ABCA6: variants seen among roughly 807,000 people sequenced by gnomAD.
ABCA6 encodes ATP-binding cassette sub-family A member 6.
In ABCA6, 164 loss-of-function variants were observed where a neutral mutation model predicts 191.2. The observed-to-expected ratio is 0.86, with a 90% CI of 0.76 to 0.98. The LOEUF (loss-of-function observed/expected upper bound fraction) is 0.98, where lower values mean the gene tolerates loss of function less well. Among genes scored for constraint, ABCA6 ranks in the 50% least tolerant of loss-of-function variants. ABCA6 has a pLI of 0.00. For synonymous variants in ABCA6, 636 were observed against 647.7 expected, an observed-to-expected ratio of 0.98 and a Z score of 0.27; for missense variants, 1,958 against 1,894.1, an observed-to-expected ratio of 1.03 and a Z score of -0.63.
intron 18 of ABCA6, among the ~76,000 whole-genome samples, chr17:69,106,529 G>T (rs2073307738): frequency 7.1e-6 from 1 of 140,252 alleles, no homozygotes; most frequent in Non-Finnish European, 1.5e-5. Flanking sequence ...GGAGGGGGAG[G>T]TTGCTGTGAG....
chr17:69,125,001 A>T lies in ABCA6; in HGVS notation c.1154T>A (p.Ile385Asn). The T allele has an allele frequency of 1.4e-6, 2 of 1,477,770 alleles. No individual in the cohort carries two copies. Among genetic ancestry groups the T allele is most frequent in the Non-Finnish European group, 1.8e-6 (2 of 1,102,592 alleles). The allele number at this position is 1,477,770 out of a possible 1,614,324, so 91.5% of individuals were successfully genotyped here. A position where few individuals can be genotyped will look rare whatever the true frequency, so the allele number is the denominator to read the frequency against. ...IKLDYNLNGV[I>N]FPDPSGDSYT... Reference sequence around the variant, plus strand: ...TGAGTCTCCTGAAGGGTCAGGAAAAATTACACCATTCAAGTTATAATCCAG... The same window carrying T: ...TGAGTCTCCTGAAGGGTCAGGAAAATTTACACCATTCAAGTTATAATCCAG... Residue 385 changes from isoleucine to asparagine, a missense_variant, in exon 9 of 39, where the codon ATT (isoleucine) becomes AAT (asparagine). By Grantham distance (149) the Ile-to-Asn change is moderately radical. Coordinates refer to ENST00000284425, the MANE Select transcript of ABCA6 (RefSeq NM_080284.3).
intron 29 of ABCA6, 48 bp from the exon 30 acceptor site, chr17:69,086,783 AG>A (rs2072805118): frequency 7.4e-7 from 1 of 1,358,998 alleles, no homozygotes; most frequent in Non-Finnish European, 1.0e-6. Context: ...CAGAGACTTT[AG>A]GTCTCTGCTG....
At chr17:69,095,848 A>G (rs1014632067) in intron 25 of ABCA6, among the ~76,000 whole-genome samples, 8 of 152,238 alleles carry the variant, frequency 5.3e-5, no homozygotes, top group African/African-American at 1.9e-4. Context: ...GCATAAGTAT[A>G]AAACATCTTT....
At chr17:69,110,983 C>A in intron 16 of ABCA6, 43 bp from the exon 17 acceptor site, 2 of 1,535,344 alleles carry the variant, frequency 1.3e-6, no homozygotes, top group South Asian at 1.3e-5. Flanking sequence ...ATTTTCTCCA[C>A]CACTATCACA....
At position 69,128,777 on chromosome 17, in the gene ABCA6, G is replaced by A. The variant is rs749266133; in HGVS notation, c.961C>T (p.Leu321=). The A allele has an allele frequency of 6.2e-6, 10 of 1,604,934 alleles. No homozygotes were observed. In the Admixed American group the frequency reaches 1.2e-4, roughly 19 times the overall value. The part of the protein sequence containing the change: ...LVALVFLMSV[L]LKKAVLTNLV... ...TTGGTGAGGACAGCTTTCTTTAACA[G>A]CACACTCATCAGGAACACCAAAGCT... The change falls in exon 8 of 39, where the codon CTG becomes TTG. Residue 321 remains leucine (L), a synonymous_variant. Transcript: ENST00000284425.
chr17:69,083,870 AT>A (rs1432898907), intron 34 of ABCA6, among the ~76,000 whole-genome samples: 1 of 152,222 alleles, frequency 6.6e-6, no homozygotes, highest in Non-Finnish European at 1.5e-5. Context: ...GGAGGAACAA[AT>A]TTGACAGGTC....
At chr17:69,101,487 T>A (rs1346640260) in intron 21 of ABCA6, among the ~76,000 whole-genome samples, 1 of 151,748 alleles carries the variant, frequency 6.6e-6, no homozygotes, top group Non-Finnish European at 1.5e-5. Flanking sequence ...TCCCAGCTAC[T>A]TGGAAGGCTG....
At position 69,085,079 on chromosome 17, in the gene ABCA6, T is replaced by C; in HGVS notation, c.4133A>G (p.Tyr1378Cys). 1.2e-6 allele frequency: 2 copies of C among 1,613,780 alleles called. No individual in the cohort carries two copies. The highest frequency in any genetic ancestry group is 1.7e-6 in the Non-Finnish European group (2 of 1,179,904). The change falls in exon 32 of 39, where the codon TAT becomes TGT. Residue 1378 changes from tyrosine (Y) to cysteine (C), a missense_variant. By Grantham distance (194) the Tyr-to-Cys change is radical (BLOSUM62 -2). Transcript: ENST00000284425. ...TTTCCTGAGCCCCTTGACGGCAGCA[T>C]ACACCTCCAGGTGTTCCCTCAACGT... ...MLTLREHLEV[Y>C]AAVKGLRKAD...
At chr17:69,101,062 T>A (rs931373999) in intron 21 of ABCA6, 128 bp from the exon 22 acceptor site, 52 of 748,254 alleles carry the variant, frequency 6.9e-5, no homozygotes, top group Middle Eastern at 4.0e-4. Flanking sequence ...AACTAAACTT[T>A]CTGAGCTTTA....
chr17:69,096,931 T>C, intron 23 of ABCA6, 130 bp from the exon 24 acceptor site: 1 of 731,820 alleles, frequency 1.4e-6, no homozygotes, highest in Admixed American at 3.9e-5. Context: ...TTAAAAAAAA[T>C]TATGCATATA....
At chr17:69,088,714 ATCAC>A (rs1402969881) in intron 27 of ABCA6, among the ~76,000 whole-genome samples, 1 of 152,162 alleles carries the variant, frequency 6.6e-6, no homozygotes, top group Non-Finnish European at 1.5e-5. Flanking sequence ...CTCCTCCTCC[ATCAC>A]TCAGAGTAGA....
chr17:69,123,602 T>C lies in ABCA6; in HGVS notation c.1268-195A>G, dbSNP rs114663230. Reference sequence around the variant, plus strand: ...ATGGGAATTCAAAGGAAATAACATATTGCAAAATTAAACAATATAATACAG... The same window carrying C: ...ATGGGAATTCAAAGGAAATAACATACTGCAAAATTAAACAATATAATACAG... On this transcript the variant is annotated intron_variant, in intron 9 of 38. Transcript: ENST00000284425. Among the ~76,000 whole-genome samples the C allele has an allele frequency of 1.8e-3, 272 of 152,068 alleles. 2 individuals are homozygous for C. Among genetic ancestry groups the C allele is most frequent in the African/African-American group, 6.2e-3 (257 of 41,502 alleles).
At chr17:69,114,095 C>T (rs1325951783) in intron 13 of ABCA6, among the ~76,000 whole-genome samples, 1 of 152,084 alleles carries the variant, frequency 6.6e-6, no homozygotes, top group East Asian at 1.9e-4. Flanking sequence ...AATCATGCTG[C>T]TATAAAGACA....
In ABCA6 at chr17:69,117,886, G is replaced by GT; in HGVS notation, c.1495+11dup. 1 of 1,533,138 alleles carries GT rather than the reference G, an allele frequency of 6.5e-7. No individual in the cohort carries two copies. The highest frequency in any genetic ancestry group is 8.9e-7 in the Non-Finnish European group (1 of 1,119,744). The allele number at this position is 1,533,138 out of a possible 1,614,324, so 95.0% of individuals were successfully genotyped here. A position where few individuals can be genotyped will look rare whatever the true frequency, so the allele number is the denominator to read the frequency against. On this transcript the variant is annotated intron_variant, in intron 11 of 38. Transcript: ENST00000284425. ...AAGTGAAAGAATGAAATTTTTCAAT[G>GT]TTTTTCTTTACCTTTCAATGCTTCC...
At chr17:69,110,458 A>ACTCAC (rs1254394094) in intron 17 of ABCA6, 30 of 220,500 alleles carry the variant, frequency 1.4e-4, no homozygotes, top group African/African-American at 6.1e-4. Flanking sequence ...TAAGAACCCC[A>ACTCAC]GCTTACTCAC....
In ABCA6 at chr17:69,131,005, A is replaced by C. The variant is rs781034716; in HGVS notation, c.792-1254T>G. On this transcript the variant is annotated intron_variant, in intron 6 of 38. Transcript: ENST00000284425. ...ATTTTTATGAAGTGGTTATTAAGAA[A>C]GAGTATTCAATCTTAGATCTAACAA... Among the ~76,000 whole-genome samples the C allele has an allele frequency of 7.2e-5, 11 of 152,336 alleles. 1 individual carries two copies. The South Asian group carries it at 1.4e-3, about 20-fold the overall frequency.
At position 69,102,868 on chromosome 17, in the gene ABCA6, G is replaced by T; in HGVS notation, c.2841C>A (p.Tyr947Ter). 1 of 1,597,884 alleles carries T rather than the reference G, an allele frequency of 6.3e-7. No individual in the cohort carries two copies. The highest frequency in any genetic ancestry group is 8.5e-7 in the Non-Finnish European group (1 of 1,175,188). Reference protein sequence around the residue: ...ENRNGTDGLSYNGAIIVSGKQ... With the variant: ...ENRNGTDGLS ...TACCAGAAACTATGATAGCTCCATT[G>T]TATGAGAGGCCATCAGTACCATTTC... is the stretch of plus-strand genomic sequence containing the variant. Residue 947 changes from tyrosine (Y) to a stop codon, truncating the protein, a stop_gained, in exon 21 of 39, where the codon TAC becomes TAA. Transcript: ENST00000284425. LOFTEE classifies it high-confidence loss of function.
chr17:69,125,193 A>G (rs1262756174), intron 8 of ABCA6, among the ~76,000 whole-genome samples, 158 bp from the exon 9 acceptor site: 1 of 151,808 alleles, frequency 6.6e-6, no homozygotes, highest in Non-Finnish European at 1.5e-5. Flanking sequence ...TGGTCAAAAT[A>G]TTTCTATTTT....
In ABCA6 at chr17:69,113,591, T is replaced by C. The variant is rs771301922; in HGVS notation, c.1902+27A>G. ...ACATTTTGCAGACATTCGACCTGCTTCCTTCCCCATGCATAATCTCACTTA... is the reference window on the plus strand; with the variant it reads ...ACATTTTGCAGACATTCGACCTGCTCCCTTCCCCATGCATAATCTCACTTA... On this transcript the variant is annotated intron_variant, in intron 14 of 38. Coordinates refer to ENST00000284425, the MANE Select transcript of ABCA6 (RefSeq NM_080284.3). The C allele has an allele frequency of 1.9e-6, 3 of 1,612,584 alleles. No homozygotes were observed. The East Asian group carries it at 6.7e-5, about 36-fold the overall frequency.
Sources: allele counts gnomAD v4.1 joint callset (sites outside exome capture counted in the v4.1 genomes callset), GRCh38; gene constraint gnomAD v4.1.1; transcripts MANE v1.5; gene names NCBI Gene and HGNC (gene_info 2026-07-23, HGNC 2026-07-21).